POTEE: variants seen among roughly 807,000 people sequenced by gnomAD.
POTEE encodes POTE ankyrin domain family member E.
Under a neutral mutation model 74.2 loss-of-function variants are expected in POTEE, and 21 were observed. That is an observed-to-expected ratio of 0.28 (90% CI 0.20 to 0.41). The LOEUF is 0.41. POTEE is among the 10% of genes least tolerant of loss of function. The pLI is 1.00. For synonymous variants in POTEE, 211 were observed against 432.8 expected, an observed-to-expected ratio of 0.49 and a Z score of 6.36; for missense variants, 525 against 1,158.6, an observed-to-expected ratio of 0.45 and a Z score of 7.94.
chr2:131,221,363 G>T (rs927892674), intron 4 of POTEE, among the ~76,000 whole-genome samples: 100 of 152,244 alleles, frequency 6.6e-4, no homozygotes, highest in African/African-American at 2.3e-3. Context: ...AAAATCAGTT[G>T]GTTACACATA....
chr2:131,221,583 C>G (rs1483301264), intron 4 of POTEE, among the ~76,000 whole-genome samples: 3 of 152,126 alleles, frequency 2.0e-5, no homozygotes, highest in African/African-American at 7.2e-5. Context: ...AATAATTTGT[C>G]ACATTCTATT....
At chr2:131,219,747 A>C (rs1700558125) in intron 4 of POTEE, among the ~76,000 whole-genome samples, 1 of 152,036 alleles carries the variant, frequency 6.6e-6, no homozygotes, top group South Asian at 2.1e-4. Context: ...AAAAAAAAAA[A>C]AAAAAGATGG....
chr2:131,228,485 G>A, intron 8 of POTEE, 104 bp downstream of exon 8: 3 of 1,571,960 alleles, frequency 1.9e-6, no homozygotes, highest in Non-Finnish European at 2.6e-6. Context: ...TTTGGTTCAG[G>A]TAGTTTTCGC....
intron 10 of POTEE, among the ~76,000 whole-genome samples, chr2:131,237,795 C>G (rs1354672474): frequency 6.6e-6 from 1 of 152,406 alleles, no homozygotes; most frequent in Admixed American, 6.5e-5. Flanking sequence ...GAGGTAAACT[C>G]TTTTCAAGTG....
chr2:131,263,333 A>G (rs754754253), intron 17 of POTEE, 22 bp from the exon 18 acceptor site: 9 of 1,605,710 alleles, frequency 5.6e-6, no homozygotes, highest in Non-Finnish European at 6.8e-6. Flanking sequence ...GTGCTAACTA[A>G]AAGTTCTCTT....
chr2:131,237,268 T>TTC (rs1446187532), intron 10 of POTEE, among the ~76,000 whole-genome samples: 1 of 151,624 alleles, frequency 6.6e-6, no homozygotes, highest in Non-Finnish European at 1.5e-5. Flanking sequence ...CTGAGCTGGA[T>TTC]TCATGGTTAA....
At position 131,263,758 on chromosome 2, in the gene POTEE, A is replaced by G. The variant is rs1392222973; in HGVS notation, c.2303A>G (p.Lys768Arg). The G allele has an allele frequency of 1.9e-6, 3 of 1,612,448 alleles. No homozygotes were observed. Among genetic ancestry groups the G allele is most frequent in the Non-Finnish European group, 2.5e-6 (3 of 1,179,908 alleles). Residue 768 changes from lysine (K) to arginine (R), a missense_variant, in exon 18 of 18, where the codon AAG (lysine) becomes AGG (arginine). By Grantham distance (26) the Lys-to-Arg change is conservative (BLOSUM62 2). Coordinates refer to ENST00000683005, the MANE Select transcript of POTEE (RefSeq NM_001083538.3). ...AQSKRGILTLKYPMEHGIITN... is the reference protein window; with the variant it reads ...AQSKRGILTLRYPMEHGIITN... Reference sequence around the variant, plus strand: ...AGCAAGAGAGGCATCCTGACCCTGAAGTACCCCATGGAACACGGCATCATC... The same window carrying G: ...AGCAAGAGAGGCATCCTGACCCTGAGGTACCCCATGGAACACGGCATCATC...
intron 2 of POTEE, among the ~76,000 whole-genome samples, chr2:131,211,520 C>CTGAGTGTGTGTGTGTGTGTG (rs1559162300): frequency 2.0e-5 from 1 of 50,266 alleles, no homozygotes; most frequent in African/African-American, 5.8e-5. Flanking sequence ...TAGGGGGTGA[C>CTGAGTGTGTGTGTGTGTGTG]TGTGTGTGTG....
chr2:131,262,751 A>G (rs1701749265), intron 17 of POTEE, among the ~76,000 whole-genome samples: 3 of 152,274 alleles, frequency 2.0e-5, no homozygotes, highest in Admixed American at 1.3e-4. Flanking sequence ...ACAGATGTGT[A>G]CAGTGTAGAA....
At chr2:131,260,739 G>C (rs1701681962) in intron 16 of POTEE, among the ~76,000 whole-genome samples, 2 of 112,962 alleles carry the variant, frequency 1.8e-5, no homozygotes, top group African/African-American at 3.5e-5. Context: ...GGGTTTTCTA[G>C]GTATAGGATA....
At chr2:131,226,274 A>G (rs1177994094) in intron 6 of POTEE, among the ~76,000 whole-genome samples, 1 of 143,436 alleles carries the variant, frequency 7.0e-6, no homozygotes, top group Non-Finnish European at 1.5e-5. Context: ...TTAGTTAACA[A>G]TCTGGGAAAA....
intron 6 of POTEE, among the ~76,000 whole-genome samples, chr2:131,225,504 C>G (rs1254752996): frequency 6.9e-6 from 1 of 145,524 alleles, no homozygotes; most frequent in African/African-American, 2.5e-5. Context: ...TAAGGTATCT[C>G]TAGAAGAGTT....
intron 13 of POTEE, among the ~76,000 whole-genome samples, chr2:131,246,695 A>AAC (rs1314556835): frequency 5.8e-5 from 3 of 51,494 alleles, no homozygotes; most frequent in African/African-American, 2.3e-4. Context: ...AGAACACAAA[A>AAC]ACAGACAGGA....
intron 2 of POTEE, among the ~76,000 whole-genome samples, 97 bp from the exon 3 acceptor site, chr2:131,217,492 G>A (rs1700469426): frequency 7.2e-6 from 1 of 139,800 alleles, no homozygotes; most frequent in African/African-American, 2.7e-5. Context: ...CGCCAGGAGT[G>A]TCCTGGGGGC....
At chr2:131,220,517 A>G (rs943841089) in intron 4 of POTEE, among the ~76,000 whole-genome samples, 2 of 152,206 alleles carry the variant, frequency 1.3e-5, no homozygotes, top group Non-Finnish European at 2.9e-5. Flanking sequence ...ATTTGCAGAC[A>G]TAATAAAATA....
intron 9 of POTEE, among the ~76,000 whole-genome samples, chr2:131,233,621 T>C (rs981263345): frequency 1.1e-4 from 14 of 130,906 alleles, no homozygotes; most frequent in African/African-American, 2.6e-4. Flanking sequence ...TTTGGTGTTA[T>C]GCTTTTTTCA....
At position 131,262,665 on chromosome 2, in the gene POTEE, A is replaced by G. The variant is rs1353093203; in HGVS notation, c.1900-690A>G. The stretch of plus-strand genomic sequence containing the variant: ...TGGGGAAAATCCTGCATCTGTGTAT[A>G]TTTTTTGACCTCTCCTTTTAAGAAT... On this transcript the variant is annotated intron_variant, in intron 17 of 17. Coordinates refer to ENST00000683005, the MANE Select transcript of POTEE (RefSeq NM_001083538.3). 1.3e-4 allele frequency among the ~76,000 whole-genome samples: 19 copies of G among 151,600 alleles called. No individual in the cohort carries two copies. The East Asian group carries it at 3.1e-3, about 25-fold the overall frequency.
chr2:131,209,760 G>A lies in POTEE; in HGVS notation c.-404G>A, dbSNP rs1457922735. On this transcript the variant is annotated 5_prime_UTR_variant, in exon 1 of 18. Transcript: ENST00000683005. ...GAGCCCCTGGGGCTCGCCTTGCTGT[G>A]TTTGGTGGTGACGTGGGACACTGCA... Among the ~76,000 whole-genome samples the A allele has an allele frequency of 1.3e-5, 2 of 152,224 alleles. No homozygotes were observed. Among genetic ancestry groups the A allele is most frequent in the African/African-American group, 2.4e-5 (1 of 41,468 alleles).
intron 4 of POTEE, among the ~76,000 whole-genome samples, chr2:131,220,982 A>G (rs1037909205): frequency 3.3e-5 from 5 of 151,996 alleles, no homozygotes; most frequent in Admixed American, 6.6e-5. Context: ...AAGAAAAAAA[A>G]AAAGGAATGA....
Sources: gnomAD v4.1 joint callset for allele counts (sites outside exome capture counted in the v4.1 genomes callset) on GRCh38, gnomAD v4.1.1 for gene constraint, MANE v1.5 for transcripts, NCBI Gene and HGNC (gene_info 2026-07-23, HGNC 2026-07-21) for gene names.